PTPRG: variants seen among roughly 807,000 people sequenced by gnomAD.
The protein encoded by PTPRG is receptor-type tyrosine-protein phosphatase gamma.
PTPRG carries 102 observed loss-of-function variants against 165.3 expected under a neutral mutation model. The observed-to-expected ratio is 0.62, with a 90% CI of 0.53 to 0.73. PTPRG has a LOEUF of 0.73. Among genes scored for constraint, PTPRG ranks in the 30% least tolerant of loss-of-function variants. The probability of loss-of-function intolerance (pLI) is 0.00; values close to 1 mark genes in which losing one functional copy is unlikely to be tolerated. For missense variants in PTPRG, 1,866 were observed against 1,861.4 expected, an observed-to-expected ratio of 1.00 and a Z score of -0.05; for synonymous variants, 675 against 669.5, an observed-to-expected ratio of 1.01 and a Z score of -0.13.
intron 4 of PTPRG, among the ~76,000 whole-genome samples, chr3:62,017,248 C>A (rs1281087531): frequency 6.6e-6 from 1 of 152,142 alleles, no homozygotes; most frequent in Non-Finnish European, 1.5e-5. Context: ...AGAATGAAAA[C>A]TTTTAATTCT....
chr3:62,290,647 T>A (rs779309944), intron 28 of PTPRG, among the ~76,000 whole-genome samples: 1 of 151,972 alleles, frequency 6.6e-6, no homozygotes, highest in Non-Finnish European at 1.5e-5. Flanking sequence ...TAGTACATGA[T>A]AAAAAGGAAG....
chr3:61,914,625 A>G (rs572789721), intron 2 of PTPRG, among the ~76,000 whole-genome samples: 1 of 152,318 alleles, frequency 6.6e-6, no homozygotes, highest in Non-Finnish European at 1.5e-5. Context: ...AAATGATACT[A>G]GTTTTCCCCC....
rs908819059 is a variant in PTPRG at position 62,229,496 on chromosome 3, A to C, written c.2289-1729A>C. On this transcript the variant is annotated intron_variant, in intron 13 of 29. Coordinates refer to ENST00000474889, the MANE Select transcript of PTPRG (RefSeq NM_002841.4). The surrounding 1 kb of genome is among the most constrained non-coding windows in gnomAD (Gnocchi z 4.6). ...AAAAGCGGAAAGAGATTCACTGCTA[A>C]AGGTTGCCAGTTAAACATGCTCCAT... Among the ~76,000 whole-genome samples the C allele has an allele frequency of 6.6e-6, 1 of 152,226 alleles. No individual in the cohort carries two copies. Among genetic ancestry groups the C allele is most frequent in the Non-Finnish European group, 1.5e-5 (1 of 68,040 alleles).
chr3:62,035,200 C>G (rs960011589), intron 4 of PTPRG, among the ~76,000 whole-genome samples: 3 of 152,112 alleles, frequency 2.0e-5, no homozygotes, highest in Non-Finnish European at 2.9e-5. Flanking sequence ...TTTTCTCTTC[C>G]CCAAGTAAAA....
At chr3:61,651,867 G>A (rs1035905159) in intron 1 of PTPRG, among the ~76,000 whole-genome samples, 2 of 152,000 alleles carry the variant, frequency 1.3e-5, no homozygotes, top group African/African-American at 4.8e-5. Context: ...AAACTTAGCC[G>A]GGCATGGTGA....
chr3:61,752,663 A>G (rs1005700513), intron 2 of PTPRG, among the ~76,000 whole-genome samples: 11 of 151,534 alleles, frequency 7.3e-5, no homozygotes, highest in African/African-American at 2.7e-4. Flanking sequence ...GCGGGCACCT[A>G]TAATCCCAGC....
At chr3:61,735,202 C>G (rs180997887) in intron 1 of PTPRG, among the ~76,000 whole-genome samples, 1 of 152,066 alleles carries the variant, frequency 6.6e-6, no homozygotes, top group Admixed American at 6.6e-5. Context: ...TGTGCTCTAG[C>G]GAAAATTTTT....
intron 2 of PTPRG, among the ~76,000 whole-genome samples, chr3:61,960,340 G>A (rs1055419186): frequency 5.3e-5 from 8 of 151,884 alleles, no homozygotes; most frequent in Admixed American, 5.2e-4. Flanking sequence ...TGAAATGACT[G>A]AAACGGAACC....
chr3:61,563,182 C>A (rs756210592), intron 1 of PTPRG, among the ~76,000 whole-genome samples: 1 of 151,314 alleles, frequency 6.6e-6, no homozygotes, highest in Non-Finnish European at 1.5e-5. Flanking sequence ...GGCCGGGTTG[C>A]TGTTCGCGCC....
At chr3:62,116,547 G>C (rs1338483265) in intron 5 of PTPRG, among the ~76,000 whole-genome samples, 1 of 152,136 alleles carries the variant, frequency 6.6e-6, no homozygotes, top group Admixed American at 6.6e-5. Flanking sequence ...ATAACGACGA[G>C]TGAAAGAAGG....
intron 1 of PTPRG, among the ~76,000 whole-genome samples, chr3:61,673,069 G>A (rs886561821): frequency 6.6e-6 from 1 of 152,132 alleles, no homozygotes; most frequent in Non-Finnish European, 1.5e-5. Flanking sequence ...CTGAGGTGGA[G>A]TGTATCACTC....
At chr3:61,656,761 T>C (rs539802915) in intron 1 of PTPRG, among the ~76,000 whole-genome samples, 2 of 152,342 alleles carry the variant, frequency 1.3e-5, no homozygotes, top group East Asian at 3.9e-4. Flanking sequence ...TCTTGTTCTT[T>C]GCTTTCTGGA....
chr3:61,996,384 T>C (rs17065644), intron 3 of PTPRG, among the ~76,000 whole-genome samples: 2,272 of 152,300 alleles, frequency 0.015, 55 homozygotes, highest in African/African-American at 0.05. Flanking sequence ...TATGGGATGA[T>C]GATGGTAGAC....
At chr3:61,992,662 G>A (rs1007501014) in intron 3 of PTPRG, among the ~76,000 whole-genome samples, 5 of 152,130 alleles carry the variant, frequency 3.3e-5, no homozygotes, top group Non-Finnish European at 1.5e-5. Flanking sequence ...TGGGAATACA[G>A]GAGTGCGCGC....
At chr3:62,176,295 T>C (rs1016915890) in intron 8 of PTPRG, among the ~76,000 whole-genome samples, 1 of 152,090 alleles carries the variant, frequency 6.6e-6, no homozygotes, top group Non-Finnish European at 1.5e-5. Context: ...AATGGAGTAT[T>C]ATTGTTTCTC....
chr3:61,584,573 GTTT>G (rs11359920), intron 1 of PTPRG, among the ~76,000 whole-genome samples: 6 of 144,856 alleles, frequency 4.1e-5, no homozygotes, highest in African/African-American at 1.5e-4. Flanking sequence ...TAAAGTTTAG[GTTT>G]TTTTTTTTTT....
chr3:62,206,990 T>C (rs1473799171), intron 12 of PTPRG, among the ~76,000 whole-genome samples: 1 of 147,214 alleles, frequency 6.8e-6, no homozygotes, highest in Admixed American at 6.8e-5. Context: ...CTTTCCCTTA[T>C]CACCTTCAGC....
chr3:61,675,665 G>A (rs566250257), intron 1 of PTPRG, among the ~76,000 whole-genome samples: 13 of 152,242 alleles, frequency 8.5e-5, no homozygotes, highest in African/African-American at 3.1e-4. Context: ...TATGGTATTT[G>A]ATGTTGGCTT....
At chr3:61,860,434 CTTTTTTTTTT>C (rs766688465) in intron 2 of PTPRG, among the ~76,000 whole-genome samples, 1,017 of 95,634 alleles carry the variant, frequency 0.011, 11 homozygotes, top group Non-Finnish European at 0.013. Flanking sequence ...GTTTTTGTTC[CTTTTTTTTTT>C]TTTTTTTTTT....
Sources: gnomAD v4.1 joint callset for allele counts (sites outside exome capture counted in the v4.1 genomes callset) on GRCh38, gnomAD v4.1.1 for gene constraint, Gnocchi (gnomAD v3.1) non-coding constraint, MANE v1.5 for transcripts, NCBI Gene and HGNC (gene_info 2026-07-23, HGNC 2026-07-21) for gene names.